Variants in OPCML observed in about 807,000 individuals in gnomAD.
OPCML encodes opioid binding protein/cell adhesion molecule like.
A neutral mutation model predicts 37.8 loss-of-function variants in OPCML; 13 were observed. The observed-to-expected ratio is 0.34, with a 90% CI of 0.22 to 0.55. The LOEUF is 0.55. Among genes scored for constraint, OPCML ranks in the 20% least tolerant of loss-of-function variants. The pLI is 0.91. For missense variants in OPCML, 341 were observed against 435.6 expected (o/e 0.78, Z 1.93); for synonymous variants, 176 against 168.8 (o/e 1.04, Z -0.33).
chr11:133,321,944 C>G (rs185114550), intron 1 of OPCML, among the ~76,000 whole-genome samples: 4 of 152,186 alleles, frequency 2.6e-5, no homozygotes, highest in Admixed American at 2.6e-4. Context: ...TATCCGAAAC[C>G]ATAGTATCGA....
rs953573684 is a variant in OPCML at position 132,416,425 on chromosome 11, T to A, written c.*3768A>T. The A allele has an allele frequency of 1.3e-5, 2 of 152,188 alleles. No homozygotes were observed. The highest frequency in any genetic ancestry group is 2.9e-5 in the Non-Finnish European group (2 of 68,042). The allele number at this position is 152,188 out of a possible 1,614,324, so 9.4% of individuals were successfully genotyped here. A position where few individuals can be genotyped will look rare whatever the true frequency, so the allele number is the denominator to read the frequency against. ...CCACAGGGATAAGCTCTCGTCGGGG[T>A]TGCCTGCCCACTTTGGGGTTCTCTG... is the stretch of plus-strand genomic sequence containing the variant. On this transcript the variant is annotated 3_prime_UTR_variant, in exon 8 of 8. Coordinates refer to ENST00000524381, the MANE Select transcript of OPCML (RefSeq NM_001012393.5).
chr11:133,277,615 C>G (rs1942030112), intron 1 of OPCML, among the ~76,000 whole-genome samples: 1 of 151,956 alleles, frequency 6.6e-6, no homozygotes, highest in Non-Finnish European at 1.5e-5. Context: ...GCCAGGTGAG[C>G]AGGAAAGACA....
intron 2 of OPCML, among the ~76,000 whole-genome samples, chr11:132,803,041 C>T (rs941042888): frequency 2.0e-5 from 3 of 152,184 alleles, no homozygotes; most frequent in Admixed American, 2.0e-4. Context: ...TAACAAGCAA[C>T]TGTCGTTTTC....
At chr11:132,783,143 AG>A in intron 2 of OPCML, among the ~76,000 whole-genome samples, 1 of 152,154 alleles carries the variant, frequency 6.6e-6, no homozygotes, top group African/African-American at 2.4e-5. Context: ...TTGTCCCTAC[AG>A]TCTCTTTCCT....
intron 2 of OPCML, among the ~76,000 whole-genome samples, chr11:132,826,632 T>C (rs1326056271): frequency 6.6e-6 from 1 of 152,238 alleles, no homozygotes; most frequent in Non-Finnish European, 1.5e-5. Context: ...CAAGGTTTTT[T>C]AGCTATCAGT....
At chr11:132,822,348 T>C (rs552490472) in intron 2 of OPCML, among the ~76,000 whole-genome samples, 6 of 152,214 alleles carry the variant, frequency 3.9e-5, no homozygotes, top group Non-Finnish European at 5.9e-5. Flanking sequence ...CTTTCCACCA[T>C]TTGTAAATGC....
chr11:132,443,304 G>A (rs1228468822), intron 4 of OPCML, among the ~76,000 whole-genome samples: 1 of 152,200 alleles, frequency 6.6e-6, no homozygotes, highest in Non-Finnish European at 1.5e-5. Flanking sequence ...AAGGGGAAGT[G>A]GGAGGAGCAA....
At chr11:133,330,340 A>T (rs929285541) in intron 1 of OPCML, among the ~76,000 whole-genome samples, 1 of 152,242 alleles carries the variant, frequency 6.6e-6, no homozygotes, top group Non-Finnish European at 1.5e-5. Flanking sequence ...TACTGGGTGT[A>T]TACCCAAAGG....
chr11:132,940,876 A>G (rs1945553054), intron 2 of OPCML, among the ~76,000 whole-genome samples: 1 of 152,192 alleles, frequency 6.6e-6, no homozygotes, highest in Non-Finnish European at 1.5e-5. Context: ...ATGAAGGAAG[A>G]AAATAATAAA....
chr11:132,878,186 A>C (rs113251796), intron 2 of OPCML, among the ~76,000 whole-genome samples: 7,272 of 152,002 alleles, frequency 0.048, 556 homozygotes, highest in African/African-American at 0.17. Flanking sequence ...CATCTCAAAA[A>C]AAAAAAAATT....
At chr11:132,748,223 G>C (rs535457638) in intron 2 of OPCML, among the ~76,000 whole-genome samples, 115 of 152,236 alleles carry the variant, frequency 7.6e-4, no homozygotes, top group African/African-American at 2.7e-3. Flanking sequence ...ACTAGCACAA[G>C]TTTTGGAAGC....
At chr11:133,334,270 A>T (rs1592211042) in intron 1 of OPCML, among the ~76,000 whole-genome samples, 1 of 152,268 alleles carries the variant, frequency 6.6e-6, no homozygotes, top group East Asian at 1.9e-4. Flanking sequence ...GATACGGATA[A>T]AGAAAATGTG....
chr11:132,572,440 G>A (rs2096440854), intron 3 of OPCML, among the ~76,000 whole-genome samples: 2 of 152,090 alleles, frequency 1.3e-5, no homozygotes, highest in Non-Finnish European at 2.9e-5. Context: ...ATGCTGTAAA[G>A]TAAGGGTCCA....
chr11:132,497,995 C>T (rs1448863860), intron 4 of OPCML, among the ~76,000 whole-genome samples: 1 of 152,172 alleles, frequency 6.6e-6, no homozygotes, highest in African/African-American at 2.4e-5. Flanking sequence ...TAGGACTCCA[C>T]CTCTTTAATC....
intron 1 of OPCML, among the ~76,000 whole-genome samples, chr11:133,372,992 T>C (rs1944706004): frequency 6.6e-6 from 1 of 152,078 alleles, no homozygotes; most frequent in Non-Finnish European, 1.5e-5. Flanking sequence ...TATACCAAAA[T>C]ACAAAATACT....
chr11:133,149,155 C>T (rs1417334514), intron 1 of OPCML, among the ~76,000 whole-genome samples: 2 of 152,226 alleles, frequency 1.3e-5, no homozygotes, highest in Non-Finnish European at 2.9e-5. Context: ...CTGTCCTCTT[C>T]ATCTCTGAAG....
At chr11:133,418,670 C>G (rs1256279566) in intron 1 of OPCML, among the ~76,000 whole-genome samples, 2 of 152,088 alleles carry the variant, frequency 1.3e-5, no homozygotes, top group African/African-American at 2.4e-5. Flanking sequence ...TTGATAATAG[C>G]CCTTCCCCAA....
In OPCML at chr11:132,657,164, T is replaced by C. The variant is rs1392624320; in HGVS notation, c.302A>G (p.Tyr101Cys). Residue 101 changes from tyrosine (Y) to cysteine (C), a missense_variant, in exon 3 of 8, where the codon TAT becomes TGT. Coordinates refer to ENST00000524381, the MANE Select transcript of OPCML (RefSeq NM_001012393.5). Reference sequence around the variant, plus strand: ...AGAGCAGGTGTACGGACCTTCGTCATACACATCCACATTTTGGATCATGAT... The same window carrying C: ...AGAGCAGGTGTACGGACCTTCGTCACACACATCCACATTTTGGATCATGAT... ...YSIMIQNVDV[Y>C]DEGPYTCSVQ... is the part of the protein sequence containing the mutation. 1.2e-6 allele frequency: 2 copies of C among 1,614,154 alleles called. No individual in the cohort carries two copies. Among genetic ancestry groups the C allele is most frequent in the Non-Finnish European group, 1.7e-6 (2 of 1,180,052 alleles).
Position 133,057,030 on chromosome 11 carries a change from G to T in OPCML, c.62-114020C>A, listed in dbSNP as rs577677445. Among the ~76,000 whole-genome samples, 4 of 152,188 alleles carry T rather than the reference G, an allele frequency of 2.6e-5. No homozygotes were observed. In the East Asian group the frequency reaches 5.8e-4, roughly 22 times the overall value. ...GGCTAATTTTGTATTTTTTAGTAGA[G>T]ACGGGGTTTCTCCATGTTGGTCAGG... On this transcript the variant is annotated intron_variant, in intron 1 of 7. Coordinates refer to ENST00000524381, the MANE Select transcript of OPCML (RefSeq NM_001012393.5).
Sources: gnomAD v4.1 joint callset for allele counts (sites outside exome capture counted in the v4.1 genomes callset) on GRCh38, gnomAD v4.1.1 for gene constraint, MANE v1.5 for transcripts, NCBI Gene and HGNC (gene_info 2026-07-23, HGNC 2026-07-21) for gene names.